RYK: variants seen among roughly 807,000 people sequenced by gnomAD.
RYK encodes the protein inactive tyrosine-protein kinase RYK.
Under a neutral mutation model 70.2 loss-of-function variants are expected in RYK, and 21 were observed. That is an observed-to-expected ratio of 0.30 (90% CI 0.21 to 0.43). The LOEUF is 0.43. Among genes scored for constraint, RYK ranks in the 20% least tolerant of loss-of-function variants. The pLI is 1.00. For synonymous variants in RYK, 267 were observed against 278.0 expected (o/e 0.96, Z 0.39); for missense variants, 604 against 753.3 (o/e 0.80, Z 2.32).
intron 2 of RYK, among the ~76,000 whole-genome samples, chr3:134,221,756 A>G (rs2014745373): frequency 6.6e-6 from 1 of 152,162 alleles, no homozygotes; most frequent in Non-Finnish European, 1.5e-5. Flanking sequence ...AGCCTATATA[A>G]AGCTGATAAA....
intron 8 of RYK, among the ~76,000 whole-genome samples, chr3:134,190,330 C>A: frequency 6.6e-6 from 1 of 152,136 alleles, no homozygotes; most frequent in East Asian, 1.9e-4. Context: ...CCTCCTGTCT[C>A]CTCTTCCCAG....
At chr3:134,165,020 G>A (rs1399428893) in intron 13 of RYK, among the ~76,000 whole-genome samples, 1 of 152,132 alleles carries the variant, frequency 6.6e-6, no homozygotes, top group East Asian at 1.9e-4. Flanking sequence ...AGAATATCTT[G>A]AGTTTTCTGA....
At chr3:134,223,035 G>A (rs1046498412) in intron 1 of RYK, among the ~76,000 whole-genome samples, 1 of 152,178 alleles carries the variant, frequency 6.6e-6, no homozygotes, top group African/African-American at 2.4e-5. Context: ...GGTCCTTGCT[G>A]TTCTGATAGC....
rs145997490 is a variant in RYK at position 134,206,565 on chromosome 3, T to C, written c.643+907A>G. Among the ~76,000 whole-genome samples the C allele has an allele frequency of 8.9e-4, 135 of 152,284 alleles. 1 individual carries two copies. Among genetic ancestry groups the C allele is most frequent in the African/African-American group, 2.8e-3 (118 of 41,558 alleles). ...GGTTAATTTGAACATGGACTATCTA[T>C]TGGAGATACTAAGCAACTGCTGTTA... On this transcript the variant is annotated intron_variant, in intron 5 of 14. Coordinates refer to ENST00000623711, the MANE Select transcript of RYK (RefSeq NM_002958.4).
chr3:134,220,306 G>C (rs1413134098), intron 2 of RYK, among the ~76,000 whole-genome samples: 1 of 152,150 alleles, frequency 6.6e-6, no homozygotes, highest in Non-Finnish European at 1.5e-5. Context: ...GATAAAATGT[G>C]ACTACTGTGG....
intron 13 of RYK, among the ~76,000 whole-genome samples, chr3:134,161,936 A>G (rs1256791532): frequency 6.6e-6 from 1 of 152,214 alleles, no homozygotes; most frequent in Non-Finnish European, 1.5e-5. Flanking sequence ...AGAAGTCCAA[A>G]TCAATGTGTC....
intron 1 of RYK, among the ~76,000 whole-genome samples, chr3:134,234,131 G>A (rs928627329): frequency 3.9e-5 from 6 of 151,944 alleles, no homozygotes; most frequent in African/African-American, 1.2e-4. Flanking sequence ...AACAATAAAA[G>A]TGTTCAAAAA....
At chr3:134,216,819 A>AAAAAAAAAAAAAC in intron 2 of RYK, among the ~76,000 whole-genome samples, 1 of 148,898 alleles carries the variant, frequency 6.7e-6, no homozygotes, top group Non-Finnish European at 1.5e-5. Context: ...AAAAAAAAAA[A>AAAAAAAAAAAAAC]AAGCTACTGA....
At chr3:134,163,458 T>C (rs1027989118) in intron 13 of RYK, among the ~76,000 whole-genome samples, 6 of 152,216 alleles carry the variant, frequency 3.9e-5, no homozygotes, top group Admixed American at 3.3e-4. Context: ...TTAAAGAACA[T>C]TTAGATAATT....
At chr3:134,195,277 C>T in intron 6 of RYK, 95 bp from the exon 7 acceptor site, 3 of 821,472 alleles carry the variant, frequency 3.7e-6, no homozygotes, top group Non-Finnish European at 6.1e-6. Context: ...CCATTAAAAC[C>T]AGCCTAAAAT....
At chr3:134,214,664 C>T (rs1560019307) in intron 2 of RYK, among the ~76,000 whole-genome samples, 1 of 152,186 alleles carries the variant, frequency 6.6e-6, no homozygotes, top group Non-Finnish European at 1.5e-5. Context: ...CAACAATGAC[C>T]TCCAGTCTCA....
intron 13 of RYK, among the ~76,000 whole-genome samples, chr3:134,168,618 C>T (rs112449187): frequency 1.9e-4 from 12 of 62,684 alleles, no homozygotes; most frequent in Non-Finnish European, 3.2e-4. Flanking sequence ...CCGGGGCCTT[C>T]GTAGGGTAGG....
chr3:134,229,524 ATCATCAAAATTAAAAACTGAAGT>A (rs1271431828), intron 1 of RYK, among the ~76,000 whole-genome samples: 1 of 152,162 alleles, frequency 6.6e-6, no homozygotes, highest in Non-Finnish European at 1.5e-5. Flanking sequence ...AAATTTAAAA[ATCATCAAAATTAAAAACTGAAGT>A]TCATCAAAAT....
At position 134,246,528 on chromosome 3, in the gene RYK, AGAACCT is replaced by A. The variant is rs2015473030; in HGVS notation, c.232+3889_232+3894del. 2.6e-5 allele frequency among the ~76,000 whole-genome samples: 4 copies of A among 152,100 alleles called. No individual in the cohort carries two copies. The South Asian group carries it at 6.2e-4, about 24-fold the overall frequency. Reference sequence around the variant, plus strand: ...TAAAACTTCAGAATGCCAGAGAAAAAGAACCTGAGCTTCAAAAAAACAGAAAAAAAG... The same window carrying A: ...TAAAACTTCAGAATGCCAGAGAAAAAGAGCTTCAAAAAAACAGAAAAAAAG... On this transcript the variant is annotated intron_variant, in intron 1 of 14. Transcript: ENST00000623711.
intron 10 of RYK, chr3:134,180,997 AC>A (rs1699777955): frequency 6.6e-6 from 1 of 152,190 alleles, no homozygotes; most frequent in African/African-American, 2.4e-5. Context: ...ACTGCATGAG[AC>A]ACAACACTGC....
chr3:134,244,207 C>A (rs1439190281), intron 1 of RYK, among the ~76,000 whole-genome samples: 1 of 152,132 alleles, frequency 6.6e-6, no homozygotes, highest in African/African-American at 2.4e-5. Flanking sequence ...CATTCCCCAC[C>A]CACCCACCAG....
At chr3:134,210,746 A>G (rs1046104917) in intron 3 of RYK, among the ~76,000 whole-genome samples, 3 of 152,236 alleles carry the variant, frequency 2.0e-5, no homozygotes, top group Non-Finnish European at 2.9e-5. Context: ...CTGAGTGCCT[A>G]TCCTGCACCA....
At chr3:134,206,012 T>A (rs955746280) in intron 5 of RYK, among the ~76,000 whole-genome samples, 1 of 152,134 alleles carries the variant, frequency 6.6e-6, no homozygotes, top group African/African-American at 2.4e-5. Flanking sequence ...CTGCTCTTTG[T>A]GAGAAGTAAT....
intron 1 of RYK, among the ~76,000 whole-genome samples, chr3:134,229,014 T>C (rs112250850): frequency 6.6e-6 from 1 of 151,936 alleles, no homozygotes; most frequent in Non-Finnish European, 1.5e-5. Flanking sequence ...AATAAAAATT[T>C]AAAAAATAAA....
Sources: allele counts gnomAD v4.1 joint callset (sites outside exome capture counted in the v4.1 genomes callset), GRCh38; gene constraint gnomAD v4.1.1; transcripts MANE v1.5; gene names NCBI Gene and HGNC (gene_info 2026-07-23, HGNC 2026-07-21).